The following CYB561 variants were observed in gnomAD, a reference collection of about 807,000 sequenced individuals.
CYB561 encodes cytochrome b561.
Under a neutral mutation model 25.3 loss-of-function variants are expected in CYB561, and 11 were observed. The observed-to-expected ratio is 0.44, with a 90% confidence interval of 0.27 to 0.72. CYB561 has a LOEUF of 0.72. Ranked by LOEUF, CYB561 falls within the 30% of genes least tolerant of loss-of-function variation. CYB561 has a pLI of 0.18. For missense variants in CYB561, 295 were observed against 334.9 expected (o/e 0.88, Z 0.93); for synonymous variants, 165 against 158.8 (o/e 1.04, Z -0.29).
chr17:63,435,877 CTTCTGGGCT>C, intron 3 of CYB561, 86 bp from the exon 4 acceptor site: 1 of 1,581,936 alleles, frequency 6.3e-7, no homozygotes, highest in Non-Finnish European at 8.7e-7. Flanking sequence ...GCTAGCGGGA[CTTCTGGGCT>C]TTAGTCCCAG....
intron 1 of CYB561, 130 bp from the exon 2 acceptor site, chr17:63,437,690 A>C (rs2049322689): frequency 1.6e-6 from 1 of 607,130 alleles, no homozygotes; most frequent in African/African-American, 2.5e-5. Flanking sequence ...CAAGATGCGC[A>C]CAGCCGCCCC....
chr17:63,445,117 A>G (rs954301412), intron 1 of CYB561, among the ~76,000 whole-genome samples: 2 of 152,194 alleles, frequency 1.3e-5, no homozygotes, highest in African/African-American at 4.8e-5. Context: ...TGGAGGTTGC[A>G]GTGAGCTGAT....
chr17:63,435,515 C>CA, intron 4 of CYB561, 173 bp downstream of exon 4: 1 of 709,144 alleles, frequency 1.4e-6, no homozygotes, highest in South Asian at 1.8e-5. Context: ...GAGCTGGGCA[C>CA]CCTTGGCCGC....
At chr17:63,435,299 G>C in intron 4 of CYB561, 56 bp from the exon 5 acceptor site, 2 of 1,583,720 alleles carry the variant, frequency 1.3e-6, no homozygotes, top group Non-Finnish European at 1.7e-6. Context: ...CCCAGCAGCC[G>C]AGGTCGGCCA....
rs1568021378 is a variant in CYB561 at position 63,434,355 on chromosome 17, G to A, written c.*47C>T. 6.8e-7 allele frequency: 1 copy of A among 1,480,466 alleles called. No individual in the cohort carries two copies. The highest frequency in any genetic ancestry group is 9.1e-7 in the Non-Finnish European group (1 of 1,104,462). 91.7% of individuals were successfully genotyped at this position (1,480,466 alleles called of 1,614,324 possible). On this transcript the variant is annotated 3_prime_UTR_variant, in exon 6 of 6. Transcript: ENST00000360793. ...GCAGTCCTGAAGACGCCTCAGCAGG[G>A]GCAGGCAAGAAGACACCCCGCGAAC...
chr17:63,439,443 G>A (rs2049352582), intron 1 of CYB561, among the ~76,000 whole-genome samples: 1 of 152,122 alleles, frequency 6.6e-6, no homozygotes, highest in African/African-American at 2.4e-5. Flanking sequence ...TGAGGCACTA[G>A]AATCCCTTGA....
At chr17:63,440,714 G>A (rs2286570) in intron 1 of CYB561, 4,236 of 155,902 alleles carry the variant, frequency 0.027, 205 homozygotes, top group African/African-American at 0.092. Context: ...AGGCTCTCCC[G>A]GAGCCTCCTT....
intron 1 of CYB561, among the ~76,000 whole-genome samples, chr17:63,441,602 G>A (rs967312613): frequency 3.9e-5 from 6 of 152,352 alleles, no homozygotes; most frequent in Middle Eastern, 3.4e-3. Flanking sequence ...TCCAAGACCC[G>A]TCCCAGCATG....
intron 3 of CYB561, 54 bp from the exon 4 acceptor site, chr17:63,435,845 G>A: frequency 1.3e-6 from 2 of 1,595,636 alleles, no homozygotes; most frequent in Non-Finnish European, 1.7e-6. Context: ...AAAGGAAGGT[G>A]TAAGATGACC....
intron 2 of CYB561, 27 bp downstream of exon 2, chr17:63,437,319 A>G: frequency 1.3e-6 from 2 of 1,588,774 alleles, no homozygotes; most frequent in African/African-American, 2.7e-5. Context: ...CAAGCCCGGG[A>G]AAAGAGGAGC....
In CYB561 at chr17:63,435,048, T is replaced by C. The variant is rs201205789; in HGVS notation, c.563+38A>G. On this transcript the variant is annotated intron_variant, in intron 5 of 5. Coordinates refer to ENST00000360793, the MANE Select transcript of CYB561 (RefSeq NM_001915.4). Reference sequence around the variant, plus strand: ...AGGCAGGGTGAGGTCTGTGCAAGGGTGGCCCAGGCCCTGCCCTCTCCCACC... The same window carrying C: ...AGGCAGGGTGAGGTCTGTGCAAGGGCGGCCCAGGCCCTGCCCTCTCCCACC... 2.7e-4 allele frequency: 426 copies of C among 1,592,792 alleles called. 2 individuals are homozygous for C. The African/African-American group carries it at 4.1e-3, about 15-fold the overall frequency.
At chr17:63,440,776 C>T (rs1275758886) in intron 1 of CYB561, 2 of 152,938 alleles carry the variant, frequency 1.3e-5, no homozygotes, top group African/African-American at 4.8e-5. Flanking sequence ...TCTCACTCCT[C>T]CTTGGGTATC....
chr17:63,434,985 C>T (rs1307128988), intron 5 of CYB561, 101 bp downstream of exon 5: 13 of 1,296,044 alleles, frequency 1.0e-5, no homozygotes, highest in East Asian at 9.6e-5. Flanking sequence ...TGTGACGCCA[C>T]GAGAGGCGGC....
At chr17:63,438,482 C>T (rs2049340233) in intron 1 of CYB561, among the ~76,000 whole-genome samples, 1 of 151,132 alleles carries the variant, frequency 6.6e-6, no homozygotes, top group East Asian at 2.0e-4. Flanking sequence ...ACCCCGCTCC[C>T]CGCCCGGCCG....
intron 1 of CYB561, among the ~76,000 whole-genome samples, chr17:63,438,938 ACTGCAACTG>A (rs2049347002): frequency 6.6e-6 from 1 of 152,192 alleles, no homozygotes; most frequent in Non-Finnish European, 1.5e-5. Flanking sequence ...CACAGTTGCC[ACTGCAACTG>A]CCACCACCAT....
In CYB561 at chr17:63,446,294, C is replaced by A. The variant is rs1012217557; in HGVS notation, c.-63G>T. On this transcript the variant is annotated 5_prime_UTR_variant, in exon 1 of 6. Coordinates refer to ENST00000360793, the MANE Select transcript of CYB561 (RefSeq NM_001915.4). ...GCCTCCCCGCGCCGCGCCCGGGTCG[C>A]TTGGCCGGTTCTGCGGGCCGTGGCG... 1 of 151,934 alleles carries A rather than the reference C, an allele frequency of 6.6e-6. No homozygotes were observed. Among genetic ancestry groups the A allele is most frequent in the African/African-American group, 2.4e-5 (1 of 41,416 alleles). 9.4% of individuals were successfully genotyped at this position (151,934 alleles called of 1,614,324 possible). A position where few individuals can be genotyped will look rare whatever the true frequency, so the allele number is the denominator to read the frequency against.
chr17:63,437,119 G>A (rs928369739), intron 2 of CYB561: 2 of 556,456 alleles, frequency 3.6e-6, no homozygotes, highest in African/African-American at 3.8e-5. Flanking sequence ...GTGTGGAAAC[G>A]AGGTGAAAAT....
At chr17:63,445,873 G>A (rs940636884) in intron 1 of CYB561, 1 of 152,298 alleles carries the variant, frequency 6.6e-6, no homozygotes, top group Non-Finnish European at 1.5e-5. Flanking sequence ...CGTGGCAAAG[G>A]CTGGTTGGTC....
intron 1 of CYB561, among the ~76,000 whole-genome samples, chr17:63,445,746 G>C (rs1695053120): frequency 6.6e-6 from 1 of 152,202 alleles, no homozygotes; most frequent in African/African-American, 2.4e-5. Flanking sequence ...CCACCCTCGC[G>C]CTCAGAAGCT....
Sources: gnomAD v4.1 joint callset for allele counts (sites outside exome capture counted in the v4.1 genomes callset) on GRCh38, gnomAD v4.1.1 for gene constraint, MANE v1.5 for transcripts, NCBI Gene and HGNC (gene_info 2026-07-23, HGNC 2026-07-21) for gene names.